The following STAB2 variants were observed in gnomAD, a reference collection of about 807,000 sequenced individuals.
STAB2 encodes the protein stabilin 2, also known as stabilin-2.
STAB2 carries 288 observed loss-of-function variants against 338.1 expected under a neutral mutation model. The observed-to-expected ratio is 0.85, with a 90% CI of 0.77 to 0.94. STAB2 has a LOEUF of 0.94. Among genes scored for constraint, STAB2 ranks in the 40% least tolerant of loss-of-function variants. STAB2 has a pLI of 0.00. For missense variants in STAB2, 3,141 were observed against 3,210.1 expected (o/e 0.98, Z 0.52); for synonymous variants, 1,202 against 1,193.3 (o/e 1.01, Z -0.15).
At position 103,690,468 on chromosome 12, in the gene STAB2, C is replaced by A. The variant is rs767168498; in HGVS notation, c.3227C>A (p.Thr1076Asn). ...ACATACAGAGTGGCAGATCTGCAGA[C>A]CCTGTCTTCTTCTGACATGTTGGCA... ...LGTYRVADLQTLSSSDMLATS... is the reference protein window; with the variant it reads ...LGTYRVADLQNLSSSDMLATS... The change falls in exon 30 of 69, where the codon ACC becomes AAC. Residue 1076 changes from threonine (T) to asparagine (N), a missense_variant. Transcript: ENST00000388887. The A allele has an allele frequency of 4.3e-6, 7 of 1,614,098 alleles. No individual in the cohort carries two copies. In the Admixed American group the frequency reaches 5.0e-5, roughly 12 times the overall value.
chr12:103,621,535 C>G (rs967714913), intron 4 of STAB2, among the ~76,000 whole-genome samples: 1 of 152,114 alleles, frequency 6.6e-6, no homozygotes, highest in African/African-American at 2.4e-5. Context: ...GAGTTCGAGA[C>G]CAACCTGGCC....
chr12:103,592,480 T>A (rs1476715932), intron 2 of STAB2, among the ~76,000 whole-genome samples: 1 of 152,208 alleles, frequency 6.6e-6, no homozygotes, highest in African/African-American at 2.4e-5. Context: ...CTATCATTCA[T>A]CTATGCTGGA....
Position 103,685,080 on chromosome 12 carries a change from C to G in STAB2, c.2993C>G (p.Ala998Gly). 1 of 1,613,698 alleles carries G rather than the reference C, an allele frequency of 6.2e-7. No individual in the cohort carries two copies. Residue 998 changes from alanine to glycine, a missense_variant, in exon 27 of 69, where the codon GCA (alanine) becomes GGA (glycine). Ala to Gly is a moderately conservative substitution (Grantham distance 60). Coordinates refer to ENST00000388887, the MANE Select transcript of STAB2 (RefSeq NM_017564.10). ...GGCTTTCTGTGCTATGGAAACGCAG[C>G]AGTGGTAAGTCATCGATGATGAACT... ...GDGFLCYGNA[A>G]VELSFLSEAA...
intron 3 of STAB2, among the ~76,000 whole-genome samples, chr12:103,613,501 A>G (rs1324287918): frequency 6.6e-6 from 1 of 152,150 alleles, no homozygotes; most frequent in Non-Finnish European, 1.5e-5. Context: ...GCGGGATATA[A>G]TCTCCTGGTG....
rs766381757 is a variant in STAB2 at position 103,666,352 on chromosome 12, CAGTG to C, written c.2085+4_2085+7del. Reference sequence around the variant, plus strand: ...AGATGTCCTGCTAACTCTGAGCCCACAGTGAGTGTGACAGCTTCATGAAAGCACA... The same window carrying C: ...AGATGTCCTGCTAACTCTGAGCCCACAGTGTGACAGCTTCATGAAAGCACA... On this transcript the variant is annotated splice_donor_variant and splice_donor_region_variant and coding_sequence_variant and intron_variant, in exon 19 of 69. Coordinates refer to ENST00000388887, the MANE Select transcript of STAB2 (RefSeq NM_017564.10). LOFTEE classifies it high-confidence loss of function. 1.2e-6 allele frequency: 2 copies of C among 1,614,116 alleles called. No individual in the cohort carries two copies. The highest frequency in any genetic ancestry group is 1.7e-6 in the Non-Finnish European group (2 of 1,180,036).
chr12:103,759,121 C>T lies in STAB2; in HGVS notation c.7108-12C>T. The T allele has an allele frequency of 1.2e-6, 2 of 1,614,118 alleles. No homozygotes were observed. Among genetic ancestry groups the T allele is most frequent in the South Asian group, 2.2e-5 (2 of 91,080 alleles). The stretch of plus-strand genomic sequence containing the variant: ...CTTTGAAGAGCATTCTGTGTTTCTC[C>T]TTTTTTCTCAGACCTTGTCTGGGCG... On this transcript the variant is annotated splice_polypyrimidine_tract_variant and intron_variant, in intron 64 of 68. Transcript: ENST00000388887.
chr12:103,604,896 A>G (rs1957004449), intron 3 of STAB2, among the ~76,000 whole-genome samples: 1 of 150,926 alleles, frequency 6.6e-6, no homozygotes, highest in Non-Finnish European at 1.5e-5. Flanking sequence ...ATGTGCTATT[A>G]TTTTTCTAAC....
rs1370210941 is a variant in STAB2 at position 103,761,342 on chromosome 12, G to C, written c.7291G>C (p.Asp2431His). 2.4e-5 allele frequency: 39 copies of C among 1,613,932 alleles called. No individual in the cohort carries two copies. The Admixed American group carries it at 6.5e-4, about 27-fold the overall frequency. The part of the protein sequence containing the change: ...FVDGRAILQW[D>H]IFASNGIIHV... ...TGATGGAAGAGCCATTCTGCAGTGGGACATCTTTGCCTCCAATGGGATCAT... is the reference window on the plus strand; with the variant it reads ...TGATGGAAGAGCCATTCTGCAGTGGCACATCTTTGCCTCCAATGGGATCAT... Residue 2431 changes from aspartate to histidine, a missense_variant, in exon 66 of 69, where the codon GAC (aspartate) becomes CAC (histidine). Transcript: ENST00000388887.
At chr12:103,733,861 T>TGATCATATAGGAGCAAGCAC (rs986658770) in intron 51 of STAB2, among the ~76,000 whole-genome samples, 4 of 149,018 alleles carry the variant, frequency 2.7e-5, no homozygotes, top group East Asian at 4.0e-4. Flanking sequence ...GAGAGCAGCA[T>TGATCATATAGGAGCAAGCAC]GATCATATAG....
intron 1 of STAB2, among the ~76,000 whole-genome samples, chr12:103,589,864 C>T (rs539803277): frequency 6.6e-6 from 1 of 152,204 alleles, no homozygotes; most frequent in African/African-American, 2.4e-5. Flanking sequence ...CTTAAGTGAC[C>T]GTCATCATTT....
rs112994230 is a variant in STAB2 at position 103,602,942 on chromosome 12, A to G, written c.331+8432A>G. On this transcript the variant is annotated intron_variant, in intron 3 of 68. Coordinates refer to ENST00000388887, the MANE Select transcript of STAB2 (RefSeq NM_017564.10). Reference sequence around the variant, plus strand: ...TTTTATAGATACTGCTTCTTGTATCATATCTAGAAATCTTTGACCAACCTC... The same window carrying G: ...TTTTATAGATACTGCTTCTTGTATCGTATCTAGAAATCTTTGACCAACCTC... Among the ~76,000 whole-genome samples, 1,477 of 152,320 alleles carry G rather than the reference A, an allele frequency of 9.7e-3. 10 individuals are homozygous for G. Among genetic ancestry groups the G allele is most frequent in the Non-Finnish European group, 0.017 (1,124 of 68,030 alleles).
intron 27 of STAB2, among the ~76,000 whole-genome samples, chr12:103,685,467 T>TGC (rs1441057772): frequency 3.1e-4 from 43 of 140,654 alleles, no homozygotes; most frequent in East Asian, 1.7e-3. Context: ...CGTGCGTGTG[T>TGC]GTGTGCGTGC....
At chr12:103,709,120 T>G (rs1041427738) in intron 39 of STAB2, among the ~76,000 whole-genome samples, 4 of 152,210 alleles carry the variant, frequency 2.6e-5, no homozygotes, top group African/African-American at 9.6e-5. Context: ...CAATAGTGTC[T>G]GAGAGGCCCA....
chr12:103,706,739 G>C, intron 37 of STAB2, 53 bp from the exon 38 acceptor site: 1 of 1,605,342 alleles, frequency 6.2e-7, no homozygotes, highest in South Asian at 1.1e-5. Context: ...CACCGAGGCT[G>C]GACAACACCA....
At chr12:103,657,152 A>G (rs1448147887) in intron 15 of STAB2, among the ~76,000 whole-genome samples, 18 of 151,622 alleles carry the variant, frequency 1.2e-4, no homozygotes, top group Admixed American at 1.2e-3. Context: ...TCACACCCAA[A>G]TTTTATGAAA....
At chr12:103,763,212 G>T in intron 67 of STAB2, 1 of 340,826 alleles carries the variant, frequency 2.9e-6, no homozygotes. Flanking sequence ...TGGGTGGCAG[G>T]CACCAGCAGG....
intron 44 of STAB2, among the ~76,000 whole-genome samples, chr12:103,721,890 G>A (rs11111734): frequency 0.048 from 7,299 of 151,142 alleles, 211 homozygotes; most frequent in Non-Finnish European, 0.061. Context: ...GAAATACAAG[G>A]AAAAGGAATC....
intron 5 of STAB2, among the ~76,000 whole-genome samples, chr12:103,627,924 A>G (rs1029749176): frequency 6.6e-5 from 10 of 152,190 alleles, no homozygotes; most frequent in Non-Finnish European, 1.3e-4. Flanking sequence ...GATATTATCA[A>G]TTACTGACAT....
intron 39 of STAB2, among the ~76,000 whole-genome samples, chr12:103,708,783 G>T (rs1054180863): frequency 6.6e-6 from 1 of 152,074 alleles, no homozygotes; most frequent in African/African-American, 2.4e-5. Context: ...CTTTTTCTAG[G>T]TATATAAGCA....
Sources: allele counts gnomAD v4.1 joint callset (sites outside exome capture counted in the v4.1 genomes callset), GRCh38; gene constraint gnomAD v4.1.1; transcripts MANE v1.5; gene names NCBI Gene and HGNC (gene_info 2026-07-23, HGNC 2026-07-21).